The following CSMD1 variants were observed in gnomAD, a reference collection of about 807,000 sequenced individuals.
The protein encoded by CSMD1 is CUB and Sushi multiple domains 1.
A neutral mutation model predicts 417.5 loss-of-function variants in CSMD1; 213 were observed. The observed-to-expected ratio is 0.51, with a 90% CI of 0.46 to 0.57. The LOEUF (loss-of-function observed/expected upper bound fraction) is 0.57, where lower values mean the gene tolerates loss of function less well. Ranked by LOEUF, CSMD1 falls within the 20% of genes least tolerant of loss-of-function variation. The pLI is 0.00. For missense variants in CSMD1, 6,923 were observed against 4,529.7 expected (o/e 1.53, Z -15.17); for synonymous variants, 2,862 against 1,736.8 (o/e 1.65, Z -16.11).
At chr8:4,708,755 C>G (rs1056724303) in intron 1 of CSMD1, among the ~76,000 whole-genome samples, 3 of 152,026 alleles carry the variant, frequency 2.0e-5, no homozygotes, top group African/African-American at 7.2e-5. Context: ...AAGTCCTAAC[C>G]CCCAGCATGG....
chr8:4,024,683 G>C (rs544416128), intron 4 of CSMD1, among the ~76,000 whole-genome samples: 8 of 152,144 alleles, frequency 5.3e-5, no homozygotes, highest in Non-Finnish European at 1.2e-4. Context: ...CTGCATAAAT[G>C]TGACTTGTGG....
chr8:4,143,087 A>G (rs1052861110), intron 3 of CSMD1, among the ~76,000 whole-genome samples: 16 of 150,370 alleles, frequency 1.1e-4, no homozygotes, highest in African/African-American at 1.5e-4. Context: ...TAGTGACATG[A>G]TATCTTCATC....
chr8:3,219,119 T>C (rs555333086), intron 29 of CSMD1, 136 bp downstream of exon 29: 181 of 642,814 alleles, frequency 2.8e-4, no homozygotes, highest in Non-Finnish European at 1.2e-4. Flanking sequence ...AGGAGACATG[T>C]ATCTTCCCAG....
Position 4,385,985 on chromosome 8 carries a change from A to G in CSMD1, c.415+33968T>C, listed in dbSNP as rs181384966. 3.7e-3 allele frequency among the ~76,000 whole-genome samples: 559 copies of G among 150,816 alleles called. 23 individuals are homozygous for G. In the East Asian group the frequency reaches 0.095, roughly 26 times the overall value. On this transcript the variant is annotated intron_variant, in intron 3 of 69. Coordinates refer to ENST00000635120, the MANE Select transcript of CSMD1 (RefSeq NM_033225.6). ...GCATCAGCATCTTTCCTTTAAGTTC[A>G]TTTCCTCTGTTTCATTTTAACTTTC...
At chr8:4,913,420 G>T (rs775233319) in intron 1 of CSMD1, among the ~76,000 whole-genome samples, 2 of 152,026 alleles carry the variant, frequency 1.3e-5, no homozygotes, top group African/African-American at 4.8e-5. Context: ...AAAGTGCTTG[G>T]ACACTCAGTG....
At chr8:4,871,907 G>T (rs1251062187) in intron 1 of CSMD1, among the ~76,000 whole-genome samples, 2 of 151,974 alleles carry the variant, frequency 1.3e-5, no homozygotes, top group Admixed American at 1.3e-4. Context: ...TTGCAATTCT[G>T]TACTCTGTCT....
At chr8:4,939,914 T>C (rs1228708662) in intron 1 of CSMD1, among the ~76,000 whole-genome samples, 1 of 152,168 alleles carries the variant, frequency 6.6e-6, no homozygotes, top group Non-Finnish European at 1.5e-5. Flanking sequence ...CATAAATATA[T>C]ATACAATTTT....
At chr8:3,889,312 G>C (rs568958024) in intron 5 of CSMD1, among the ~76,000 whole-genome samples, 1 of 151,134 alleles carries the variant, frequency 6.6e-6, no homozygotes, top group East Asian at 1.9e-4. Flanking sequence ...AAAAGGAAAA[G>C]AAGAAGAGAC....
At chr8:3,915,062 T>C (rs969935967) in intron 5 of CSMD1, among the ~76,000 whole-genome samples, 3 of 152,040 alleles carry the variant, frequency 2.0e-5, no homozygotes, top group Non-Finnish European at 4.4e-5. Context: ...CAGGGAATAG[T>C]TATTGAATTA....
intron 4 of CSMD1, among the ~76,000 whole-genome samples, chr8:4,020,587 A>G (rs11994492): frequency 0.19 from 29,007 of 152,096 alleles, 3,773 homozygotes; most frequent in African/African-American, 0.37. Flanking sequence ...AAGGCCTCCA[A>G]TTCTCTTATG....
At chr8:3,867,488 A>T (rs1805182648) in intron 5 of CSMD1, among the ~76,000 whole-genome samples, 1 of 152,182 alleles carries the variant, frequency 6.6e-6, no homozygotes, top group Admixed American at 6.5e-5. Flanking sequence ...GACCTGCTGA[A>T]GAGGGTGTCA....
chr8:4,497,998 T>A (rs890279761), intron 2 of CSMD1, among the ~76,000 whole-genome samples: 1 of 152,250 alleles, frequency 6.6e-6, no homozygotes, highest in Admixed American at 6.5e-5. Context: ...AAATGACAAG[T>A]ACAGTAAACG....
At chr8:4,022,447 G>T (rs906933042) in intron 4 of CSMD1, among the ~76,000 whole-genome samples, 2 of 152,120 alleles carry the variant, frequency 1.3e-5, no homozygotes, top group African/African-American at 4.8e-5. Flanking sequence ...GGGCGTGGAT[G>T]CAGATAAGGA....
At chr8:4,033,248 G>A (rs1231928747) in intron 3 of CSMD1, among the ~76,000 whole-genome samples, 1 of 151,454 alleles carries the variant, frequency 6.6e-6, no homozygotes, top group Non-Finnish European at 1.5e-5. Flanking sequence ...AGACCATCCT[G>A]GCTAACACGG....
At chr8:3,462,305 T>G (rs1816556154) in intron 12 of CSMD1, among the ~76,000 whole-genome samples, 2 of 152,112 alleles carry the variant, frequency 1.3e-5, no homozygotes, top group African/African-American at 4.8e-5. Flanking sequence ...GACCTCCCTG[T>G]AGCATCATTT....
intron 1 of CSMD1, among the ~76,000 whole-genome samples, chr8:4,782,594 T>C (rs1256029640): frequency 2.6e-5 from 4 of 152,174 alleles, no homozygotes; most frequent in Non-Finnish European, 5.9e-5. Flanking sequence ...TTCACATTCT[T>C]TGTAGGTACT....
intron 3 of CSMD1, among the ~76,000 whole-genome samples, chr8:4,178,680 C>A (rs1170571161): frequency 1.3e-5 from 2 of 152,130 alleles, no homozygotes; most frequent in Non-Finnish European, 2.9e-5. Context: ...ATCTAGAAAA[C>A]CCCACTGTCT....
chr8:4,614,135 T>C (rs1801343816), intron 2 of CSMD1, among the ~76,000 whole-genome samples: 1 of 152,032 alleles, frequency 6.6e-6, no homozygotes, highest in African/African-American at 2.4e-5. Context: ...CAATGAACTT[T>C]TAAGTTCTGA....
chr8:3,008,573 T>C (rs1166686875), intron 52 of CSMD1, among the ~76,000 whole-genome samples: 1 of 152,068 alleles, frequency 6.6e-6, no homozygotes, highest in African/African-American at 2.4e-5. Context: ...TCCAGTAGAG[T>C]GAACACTCAG....
Sources: allele counts gnomAD v4.1 joint callset (sites outside exome capture counted in the v4.1 genomes callset), GRCh38; gene constraint gnomAD v4.1.1; transcripts MANE v1.5; gene names NCBI Gene and HGNC (gene_info 2026-07-23, HGNC 2026-07-21).